The following CUX1 variants were observed in gnomAD, a reference collection of about 807,000 sequenced individuals.
CUX1 encodes the protein protein CASP.
CUX1 carries 31 observed loss-of-function variants against 158.8 expected under a neutral mutation model. The observed-to-expected ratio is 0.20, with a 90% CI of 0.15 to 0.26. CUX1 has a LOEUF of 0.26. Among genes scored for constraint, CUX1 ranks in the 10% least tolerant of loss-of-function variants. The pLI, the probability that CUX1 is intolerant of heterozygous loss-of-function variation, is 1.00. For missense variants in CUX1, 1,589 were observed against 2,014.6 expected (o/e 0.79, Z 4.04); for synonymous variants, 879 against 862.1 (o/e 1.02, Z -0.34).
At position 102,248,071 on chromosome 7, in the gene CUX1, C is replaced by T. The variant is rs1801004713; in HGVS notation, c.3888-341C>T. ...GCTTGAACCCAGGAGGCAGAGGTTG[C>T]AGTCTGCGGAGATTGAGCCACTGCA... is the stretch of plus-strand genomic sequence containing the variant. On this transcript the variant is annotated intron_variant, in intron 23 of 23. Transcript: ENST00000292535. This position sits in a 1 kb window ranked among gnomAD's most constrained non-coding sequence, Gnocchi z 5.8. 6.6e-6 allele frequency among the ~76,000 whole-genome samples: 1 copy of T among 152,224 alleles called. No homozygotes were observed. Among genetic ancestry groups the T allele is most frequent in the Admixed American group, 6.5e-5 (1 of 15,282 alleles).
chr7:102,054,658 T>C (rs1719538681), intron 3 of CUX1, among the ~76,000 whole-genome samples: 1 of 152,150 alleles, frequency 6.6e-6, no homozygotes, highest in South Asian at 2.1e-4. Flanking sequence ...AGAATCAACT[T>C]GTCAATTTCT....
chr7:101,843,768 T>C (rs1795407770), intron 1 of CUX1, among the ~76,000 whole-genome samples: 1 of 152,196 alleles, frequency 6.6e-6, no homozygotes, highest in Admixed American at 6.6e-5. Flanking sequence ...AATGGTGCCA[T>C]ATAGGACTGT....
intron 1 of CUX1, among the ~76,000 whole-genome samples, chr7:101,902,572 A>G (rs930230990): frequency 6.6e-6 from 1 of 152,222 alleles, no homozygotes; most frequent in African/African-American, 2.4e-5. Context: ...CTCTCATTTC[A>G]TTAGTTGGTC....
chr7:102,259,082 G>A (rs141010104), downstream of CUX1, among the ~76,000 whole-genome samples: 48 of 152,344 alleles, frequency 3.2e-4, no homozygotes, highest in African/African-American at 1.1e-3. Context: ...ATTGTGAAAT[G>A]TCCACATGTG....
At chr7:101,983,020 GA>G (rs1045834911) in intron 2 of CUX1, among the ~76,000 whole-genome samples, 5 of 111,498 alleles carry the variant, frequency 4.5e-5, no homozygotes, top group African/African-American at 1.3e-4. Context: ...TGTGCCTAAG[GA>G]AAGCACTAGT....
At chr7:102,063,383 CT>C (rs11368644) in intron 3 of CUX1, among the ~76,000 whole-genome samples, 8,937 of 89,144 alleles carry the variant, frequency 0.1, 402 homozygotes, top group African/African-American at 0.27. Flanking sequence ...ATTTCCTTTT[CT>C]TTTTTTTTTT....
In CUX1 at chr7:102,201,250, G is replaced by A; in HGVS notation, c.2063-110G>A. 1.4e-6 allele frequency: 2 copies of A among 1,465,760 alleles called. No individual in the cohort carries two copies. Among genetic ancestry groups the A allele is most frequent in the South Asian group, 2.6e-5 (2 of 77,908 alleles). The allele number at this position is 1,465,760 out of a possible 1,614,324, so 90.8% of individuals were successfully genotyped here. On this transcript the variant is annotated intron_variant, in intron 17 of 23. Coordinates refer to ENST00000292535, the MANE Select transcript of CUX1 (RefSeq NM_181552.4). The surrounding 1 kb of genome is among the most constrained non-coding windows in gnomAD (Gnocchi z 5.0). ...GCCATGCTGGGGAAATACACAGTGT[G>A]GTTCTCCCAAATAACCCACACTTTG... is the stretch of plus-strand genomic sequence containing the variant.
At chr7:102,155,890 C>T (rs1002134834) in intron 8 of CUX1, among the ~76,000 whole-genome samples, 6 of 152,148 alleles carry the variant, frequency 3.9e-5, no homozygotes, top group African/African-American at 1.2e-4. Flanking sequence ...ATTGCAGAGG[C>T]CCAGTTTGGG....
At chr7:101,998,493 C>A (rs1360285189) in intron 2 of CUX1, among the ~76,000 whole-genome samples, 1 of 152,204 alleles carries the variant, frequency 6.6e-6, no homozygotes. Context: ...CCCCAGCCAT[C>A]GCTTCTCAGC....
At chr7:102,051,654 C>CAAAAAAAAAAAAA (rs1299911064) in intron 3 of CUX1, among the ~76,000 whole-genome samples, 2 of 89,748 alleles carry the variant, frequency 2.2e-5, no homozygotes, top group African/African-American at 8.0e-5. Flanking sequence ...GACTCTGTCT[C>CAAAAAAAAAAAAA]AAAAAAAAAA....
rs1790023416 is a variant in CUX1 at position 102,257,468 on chromosome 7, A to T, written c.*8426A>T. ...CTGGAGATGTGAGAATTCACCCAAAATTCTTAAAACATTGGAGAATAGCTT... is the reference window on the plus strand; with the variant it reads ...CTGGAGATGTGAGAATTCACCCAAATTTCTTAAAACATTGGAGAATAGCTT... On this transcript the variant is annotated 3_prime_UTR_variant, in exon 24 of 24. Coordinates refer to ENST00000292535, the MANE Select transcript of CUX1 (RefSeq NM_181552.4). 2.3e-5 allele frequency: 23 copies of T among 985,242 alleles called. No homozygotes were observed. Among genetic ancestry groups the T allele is most frequent in the Non-Finnish European group, 2.7e-5 (22 of 829,926 alleles). The allele number at this position is 985,242 out of a possible 1,614,324, so 61.0% of individuals were successfully genotyped here.
At chr7:102,273,791 C>T (rs1791404542) in intron 15 of CUX1, among the ~76,000 whole-genome samples, 3 of 152,248 alleles carry the variant, frequency 2.0e-5, no homozygotes, top group African/African-American at 7.2e-5. Context: ...ACCATGCACC[C>T]ATCTCCCAGC....
chr7:101,866,512 G>C (rs930029861), intron 1 of CUX1, among the ~76,000 whole-genome samples: 2 of 147,840 alleles, frequency 1.4e-5, no homozygotes, highest in African/African-American at 5.0e-5. Context: ...CTTGCCTGTA[G>C]TACCAGCTAT....
intron 2 of CUX1, among the ~76,000 whole-genome samples, chr7:101,997,218 A>G (rs1289808166): frequency 6.6e-6 from 1 of 151,658 alleles, no homozygotes; most frequent in African/African-American, 2.4e-5. Flanking sequence ...GAGTGGGGAA[A>G]GCGGTAGTGT....
At chr7:102,214,894 C>G (rs1796900185) in intron 20 of CUX1, among the ~76,000 whole-genome samples, 1 of 152,230 alleles carries the variant, frequency 6.6e-6, no homozygotes. Context: ...TGGGTCTGTC[C>G]TTTCCTTGAC....
intron 2 of CUX1, among the ~76,000 whole-genome samples, chr7:101,970,554 C>T (rs1811825947): frequency 6.6e-6 from 1 of 152,116 alleles, no homozygotes; most frequent in Non-Finnish European, 1.5e-5. Flanking sequence ...CCATGTCTTT[C>T]TTTTCTTTCT....
chr7:102,030,638 G>A (rs9770647), intron 3 of CUX1, among the ~76,000 whole-genome samples: 2,348 of 145,736 alleles, frequency 0.016, 48 homozygotes, highest in African/African-American at 0.054. Flanking sequence ...GTCCAGTCAG[G>A]TTCACACATT....
intron 8 of CUX1, among the ~76,000 whole-genome samples, chr7:102,137,246 T>G (rs577026816): frequency 3.9e-5 from 6 of 152,358 alleles, no homozygotes; most frequent in African/African-American, 1.4e-4. Context: ...GGTTTTTAGA[T>G]GCCATGGGAT....
intron 15 of CUX1, among the ~76,000 whole-genome samples, chr7:102,198,270 AC>A (rs1380985014): frequency 1.3e-5 from 2 of 152,198 alleles, no homozygotes; most frequent in Non-Finnish European, 2.9e-5. Flanking sequence ...AAATAAAAAA[AC>A]AAAAAAGAAA....
Sources: gnomAD v4.1 joint callset for allele counts (sites outside exome capture counted in the v4.1 genomes callset) on GRCh38, gnomAD v4.1.1 for gene constraint, Gnocchi (gnomAD v3.1) non-coding constraint, MANE v1.5 for transcripts, NCBI Gene and HGNC (gene_info 2026-07-23, HGNC 2026-07-21) for gene names.